MROH2A: variants seen among roughly 807,000 people sequenced by gnomAD.
MROH2A encodes maestro heat like repeat family member 2A.
MROH2A carries 174 observed loss-of-function variants against 200.4 expected under a neutral mutation model. That is an observed-to-expected ratio of 0.87 (90% CI 0.77 to 0.98). The LOEUF (loss-of-function observed/expected upper bound fraction) is 0.98, where lower values mean the gene tolerates loss of function less well. MROH2A is among the 50% of genes least tolerant of loss of function. The pLI is 0.00. For missense variants in MROH2A, 2,045 were observed against 2,139.6 expected (o/e 0.96, Z 0.87); for synonymous variants, 829 against 840.4 (o/e 0.99, Z 0.23).
In MROH2A at chr2:233,828,253, C is replaced by T; in HGVS notation, c.4114-377C>T. On this transcript the variant is annotated intron_variant, in intron 35 of 41. Transcript: ENST00000389758. The surrounding 1 kb of genome is among the most constrained non-coding windows in gnomAD (Gnocchi z 4.6). ...CGCATACCAGTGAGGTTTTGGCACT[C>T]AGAATACTAGGCCATTAGTAATTCT... is the stretch of plus-strand genomic sequence containing the variant. 6.6e-6 allele frequency among the ~76,000 whole-genome samples: 1 copy of T among 152,184 alleles called. No individual in the cohort carries two copies.
chr2:233,780,618 G>A (rs1700911351), intron 3 of MROH2A, among the ~76,000 whole-genome samples: 1 of 152,076 alleles, frequency 6.6e-6, no homozygotes, highest in Admixed American at 6.6e-5. Flanking sequence ...CATAACAATT[G>A]TACATATTTA....
intron 39 of MROH2A, 74 bp from the exon 40 acceptor site, chr2:233,832,103 A>G: frequency 1.6e-6 from 2 of 1,251,874 alleles, no homozygotes; most frequent in Non-Finnish European, 2.3e-6. Flanking sequence ...GGTGATGGGA[A>G]CACGCTTGAT....
rs1226517249 is a variant in MROH2A, at chr2:233,818,253, CAGGTGACCATCAG to C, written c.3085+132_3085+144del. 1.6e-5 allele frequency: 19 copies of C among 1,165,374 alleles called. No individual in the cohort carries two copies. The Admixed American group carries it at 4.4e-4, about 27-fold the overall frequency. 72.2% of individuals were successfully genotyped at this position (1,165,374 alleles called of 1,614,324 possible). On this transcript the variant is annotated intron_variant, in intron 28 of 41. Coordinates refer to ENST00000389758, the MANE Select transcript of MROH2A (RefSeq NM_001394639.1). ...GTGCAGGCAGGCATGGAGACAAACACAGGTGACCATCAGAGGGAGCAGTGAGGGGAGAGTTCAC... is the reference window on the plus strand; with the variant it reads ...GTGCAGGCAGGCATGGAGACAAACACAGGGAGCAGTGAGGGGAGAGTTCAC...
intron 29 of MROH2A, 57 bp downstream of exon 29, chr2:233,818,827 C>A: frequency 8.4e-7 from 1 of 1,189,822 alleles, no homozygotes; most frequent in Non-Finnish European, 1.2e-6. Flanking sequence ...CCTTGGCCGT[C>A]TCTCAGGGAG....
At chr2:233,790,452 C>T (rs1216184882) in intron 5 of MROH2A, among the ~76,000 whole-genome samples, 11 of 41,398 alleles carry the variant, frequency 2.7e-4, no homozygotes, top group East Asian at 1.2e-3. Flanking sequence ...CTCCCTCCCC[C>T]CCTTCCTTCC....
chr2:233,823,274 A>G (rs1407785714), intron 34 of MROH2A, among the ~76,000 whole-genome samples: 1 of 152,236 alleles, frequency 6.6e-6, no homozygotes, highest in Non-Finnish European at 1.5e-5. Flanking sequence ...CACAGGGTCT[A>G]GAGTAGGCCA....
At chr2:233,815,845 CTTTTT>C (rs5839494) in intron 26 of MROH2A, among the ~76,000 whole-genome samples, 162 of 129,196 alleles carry the variant, frequency 1.3e-3, no homozygotes, top group Non-Finnish European at 1.8e-3. Flanking sequence ...TTAGATTTTG[CTTTTT>C]TTTTTTTTTT....
chr2:233,794,658 G>A (rs1297863947), intron 8 of MROH2A, among the ~76,000 whole-genome samples, 152 bp downstream of exon 8: 1 of 152,172 alleles, frequency 6.6e-6, no homozygotes, highest in Admixed American at 6.5e-5. Context: ...AGGGAGGGGC[G>A]TGGAGCCTGG....
chr2:233,822,267 C>T lies in MROH2A; in HGVS notation c.3656C>T (p.Ala1219Val), dbSNP rs904460250. ...AAGGCTGACATCTGGCGCCTGGCTG[C>T]GGTGGACCCCCTGATGGTGAGTTGC... ...TSKADIWRLAAVDPLMTLCTI... is the reference protein window; with the variant it reads ...TSKADIWRLAVVDPLMTLCTI... Residue 1219 changes from alanine (A) to valine (V), a missense_variant, in exon 32 of 42, where the codon GCG becomes GTG. Physicochemically the swap from Ala to Val is moderately conservative, Grantham distance 64. Around this residue, in one of 3 missense-constraint regions of MROH2A, gnomAD observed 1,201 missense variants for 1,311.3 expected, o/e 0.92. Coordinates refer to ENST00000389758, the MANE Select transcript of MROH2A (RefSeq NM_001394639.1). 2.5e-5 allele frequency: 38 copies of T among 1,547,296 alleles called. No individual in the cohort carries two copies. The highest frequency in any genetic ancestry group is 8.2e-5 in the African/African-American group (6 of 73,062).
Position 233,833,199 on chromosome 2 carries a change from C to A in MROH2A, c.4965C>A (p.Leu1655=). ...TCAGGAGGGCAGCCCTGGAGACGCT[C>A]ACAGTCTTGGATAGCTGTAGTCAGC... ...PGVRRAALET[L]TVLDSCSQHG... Residue 1655 remains leucine, a synonymous_variant, in exon 42 of 42, where the codon CTC becomes CTA. Coordinates refer to ENST00000389758, the MANE Select transcript of MROH2A (RefSeq NM_001394639.1). 1 of 1,550,372 alleles carries A rather than the reference C, an allele frequency of 6.5e-7. No homozygotes were observed.
intron 3 of MROH2A, among the ~76,000 whole-genome samples, chr2:233,781,808 C>T (rs1700969107): frequency 6.6e-6 from 1 of 152,126 alleles, no homozygotes; most frequent in Admixed American, 6.5e-5. Flanking sequence ...AACCAATTTC[C>T]TGGAGCATTT....
At position 233,805,114 on chromosome 2, in the gene MROH2A, T is replaced by C; in HGVS notation, c.2052+3T>C. On this transcript the variant is annotated splice_donor_region_variant and intron_variant, in intron 19 of 41. Transcript: ENST00000389758. ...TTGACAGCCCCTCTCTGGAGAAGGT[T>C]TGTCTTCATAGGGACAGGAGAGTTT... 6.5e-7 allele frequency: 1 copy of C among 1,544,992 alleles called. No homozygotes were observed. The highest frequency in any genetic ancestry group is 2.5e-5 in the East Asian group (1 of 40,806).
Position 233,813,671 on chromosome 2 carries a change from A to G in MROH2A, c.2653A>G (p.Lys885Glu). The stretch of plus-strand genomic sequence containing the variant: ...CTCTTGTCACTGCTTCTTCTCCAGC[A>G]AGCTGAAGCCTTTCTACTCCACAGA... ...LAMEALSHLS[K>E]LKPFYSTEEN... Residue 885 changes from lysine to glutamate, a missense_variant and splice_region_variant, in exon 25 of 42, where the codon AAG becomes GAG. Lys to Glu is a moderately conservative substitution (Grantham distance 56). Around this residue, in one of 3 missense-constraint regions of MROH2A, gnomAD observed 1,201 missense variants for 1,311.3 expected, o/e 0.92. Coordinates refer to ENST00000389758, the MANE Select transcript of MROH2A (RefSeq NM_001394639.1). The G allele has an allele frequency of 6.5e-7, 1 of 1,543,224 alleles. No homozygotes were observed. The highest frequency in any genetic ancestry group is 8.8e-7 in the Non-Finnish European group (1 of 1,140,736).
At chr2:233,799,653 T>C (rs1702331606) in intron 12 of MROH2A, 127 bp from the exon 13 acceptor site, 1 of 1,188,628 alleles carries the variant, frequency 8.4e-7, no homozygotes, top group Non-Finnish European at 1.2e-6. Flanking sequence ...GAGTGGGCAG[T>C]AATCAGGTAG....
rs17862898 is a variant in MROH2A at position 233,824,643 on chromosome 2, G to A, written c.4113+979G>A. 3.3e-3 allele frequency among the ~76,000 whole-genome samples: 504 copies of A among 152,352 alleles called. 3 individuals are homozygous for A. Among genetic ancestry groups the A allele is most frequent in the Non-Finnish European group, 5.6e-3 (380 of 68,036 alleles). On this transcript the variant is annotated intron_variant, in intron 35 of 41. Coordinates refer to ENST00000389758, the MANE Select transcript of MROH2A (RefSeq NM_001394639.1). Reference sequence around the variant, plus strand: ...TTGGCTGGAGATGAAGTTACTTAGCGTCTCTGAGCTTCAAGCTCTCCATCT... The same window carrying A: ...TTGGCTGGAGATGAAGTTACTTAGCATCTCTGAGCTTCAAGCTCTCCATCT...
chr2:233,796,822 T>G (rs1354515870), intron 11 of MROH2A, among the ~76,000 whole-genome samples: 2 of 152,250 alleles, frequency 1.3e-5, no homozygotes, highest in Non-Finnish European at 2.9e-5. Context: ...TAGAAGAGCA[T>G]GGGCAGCTCC....
In MROH2A at chr2:233,823,105, C is replaced by T. The variant is rs1704059857; in HGVS notation, c.4004+87C>T. ...AAGGGCTCCTTGTGAGGACATGGTC[C>T]AGTCATGGCTGAAGGCCTTCTTTCT... On this transcript the variant is annotated intron_variant, in intron 34 of 41. Coordinates refer to ENST00000389758, the MANE Select transcript of MROH2A (RefSeq NM_001394639.1). The T allele has an allele frequency of 4.2e-6, 6 of 1,411,860 alleles. No individual in the cohort carries two copies. The Admixed American group carries it at 1.3e-4, about 31-fold the overall frequency. The allele number at this position is 1,411,860 out of a possible 1,614,324, so 87.5% of individuals were successfully genotyped here.
intron 8 of MROH2A, among the ~76,000 whole-genome samples, chr2:233,795,416 A>G (rs1377208410): frequency 6.6e-6 from 1 of 152,208 alleles, no homozygotes; most frequent in Non-Finnish European, 1.5e-5. Context: ...TGCCACACTC[A>G]GGGGCCTAGC....
In MROH2A at chr2:233,832,290, A is replaced by G; in HGVS notation, c.4837+11A>G. 6.5e-7 allele frequency: 1 copy of G among 1,548,950 alleles called. No homozygotes were observed. The highest frequency in any genetic ancestry group is 8.7e-7 in the Non-Finnish European group (1 of 1,145,792). ...CTTGCAACTTGGCAGGTGAGCAGAG[A>G]GACGTCTCCTGACTCAAGATAGACT... On this transcript the variant is annotated intron_variant, in intron 40 of 41. Coordinates refer to ENST00000389758, the MANE Select transcript of MROH2A (RefSeq NM_001394639.1).
Sources: allele counts gnomAD v4.1 joint callset (sites outside exome capture counted in the v4.1 genomes callset), GRCh38; gene constraint gnomAD v4.1.1; regional missense constraint gnomAD v4.1.1; non-coding constraint Gnocchi (gnomAD v3.1); transcripts MANE v1.5; gene names NCBI Gene and HGNC (gene_info 2026-07-23, HGNC 2026-07-21).